AP4S1: variants seen among roughly 807,000 people sequenced by gnomAD.
The protein encoded by AP4S1 is adaptor related protein complex 4 subunit sigma 1.
A neutral mutation model predicts 19.8 loss-of-function variants in AP4S1; 23 were observed. The observed-to-expected ratio is 1.16, with a 90% CI of 0.84 to 1.65. The LOEUF (loss-of-function observed/expected upper bound fraction) is 1.65, where lower values mean the gene tolerates loss of function less well. AP4S1 is among the 40% of genes most tolerant of loss of function. AP4S1 has a pLI of 0.00. For synonymous variants in AP4S1, 46 were observed against 54.1 expected (o/e 0.85, Z 0.66); for missense variants, 166 against 172.8 (o/e 0.96, Z 0.22).
chr14:31,085,033 AGTTTAT>A (rs1236384882), intron 5 of AP4S1: 2 of 1,469,636 alleles, frequency 1.4e-6, no homozygotes, highest in African/African-American at 2.8e-5. Context: ...CTAAGGACTT[AGTTTAT>A]TTGGGCTAGA....
intron 5 of AP4S1, 79 bp from the exon 6 acceptor site, chr14:31,092,828 C>G: frequency 9.3e-7 from 1 of 1,075,682 alleles, no homozygotes; most frequent in Admixed American, 3.2e-5. Flanking sequence ...ACACTGGGAA[C>G]ACTCTAGGTT....
intron 1 of AP4S1, among the ~76,000 whole-genome samples, chr14:31,051,391 G>T (rs1409722965): frequency 6.6e-6 from 1 of 152,142 alleles, no homozygotes; most frequent in Non-Finnish European, 1.5e-5. Context: ...AAGAATTGTT[G>T]CAGGCACTGT....
chr14:31,036,998 G>A (rs902216118), intron 1 of AP4S1, among the ~76,000 whole-genome samples: 3 of 150,608 alleles, frequency 2.0e-5, no homozygotes, highest in African/African-American at 7.5e-5. Context: ...ATTTTTAGTA[G>A]AGACAGGGTT....
chr14:31,052,456 G>A (rs545813862), intron 1 of AP4S1, among the ~76,000 whole-genome samples: 95 of 152,200 alleles, frequency 6.2e-4, no homozygotes, highest in Admixed American at 1.3e-3. Context: ...CAAGCATGGT[G>A]TCTCACACTT....
intron 1 of AP4S1, among the ~76,000 whole-genome samples, chr14:31,027,864 G>C (rs1413356175): frequency 2.0e-5 from 3 of 152,072 alleles, no homozygotes; most frequent in African/African-American, 7.2e-5. Flanking sequence ...AAGGAAATTA[G>C]GTTCAGTAAT....
intron 1 of AP4S1, among the ~76,000 whole-genome samples, chr14:31,044,978 T>C (rs1244175673): frequency 6.6e-6 from 1 of 151,872 alleles, no homozygotes; most frequent in Non-Finnish European, 1.5e-5. Flanking sequence ...CTCAGCTCAC[T>C]GCAACCTCCA....
chr14:31,025,886 C>T (rs1196266969), intron 1 of AP4S1, 99 bp downstream of exon 1: 5 of 1,593,690 alleles, frequency 3.1e-6, no homozygotes, highest in Non-Finnish European at 4.3e-6. Context: ...CTCCCGCACA[C>T]CGACCCCAAC....
chr14:31,036,166 G>C (rs1015902405), intron 1 of AP4S1, among the ~76,000 whole-genome samples: 1 of 148,680 alleles, frequency 6.7e-6, no homozygotes. Context: ...GTTGCATCAC[G>C]AATTAGTAAC....
chr14:31,076,678 G>C (rs1887375929), intron 4 of AP4S1, among the ~76,000 whole-genome samples: 1 of 151,970 alleles, frequency 6.6e-6, no homozygotes, highest in Admixed American at 6.6e-5. Flanking sequence ...AATTGTCTTG[G>C]CCCCCTTATC....
chr14:31,093,133 T>C lies in AP4S1; in HGVS notation c.*98T>C. On this transcript the variant is annotated 3_prime_UTR_variant, in exon 6 of 6. Transcript: ENST00000542754. ...CCCAGAAGAATCTGGAAGACCACAA[T>C]TACAAAATGGGGTATCCTTCCAAAG... is the stretch of plus-strand genomic sequence containing the variant. The C allele has an allele frequency of 4.0e-6, 5 of 1,259,554 alleles. No homozygotes were observed. The highest frequency in any genetic ancestry group is 5.4e-6 in the Non-Finnish European group (5 of 930,844). The allele number at this position is 1,259,554 out of a possible 1,614,324, so 78.0% of individuals were successfully genotyped here.
At chr14:31,051,753 C>T (rs950316635) in intron 1 of AP4S1, among the ~76,000 whole-genome samples, 3 of 152,132 alleles carry the variant, frequency 2.0e-5, no homozygotes, top group Non-Finnish European at 4.4e-5. Context: ...TTCCCCCTCC[C>T]GGGTTCAGGC....
intron 5 of AP4S1, among the ~76,000 whole-genome samples, chr14:31,089,162 C>CA (rs1888007098): frequency 1.9e-3 from 207 of 109,672 alleles, no homozygotes; most frequent in African/African-American, 6.9e-3. Context: ...TTTGTCTTAA[C>CA]CAAAAAAAAA....
At chr14:31,062,798 T>A (rs1022668360) in intron 1 of AP4S1, among the ~76,000 whole-genome samples, 1 of 151,484 alleles carries the variant, frequency 6.6e-6, no homozygotes, top group African/African-American at 2.4e-5. Context: ...AAACCCTGTC[T>A]CTACTGAAAA....
chr14:31,036,198 TTAA>T (rs1411688166), intron 1 of AP4S1, among the ~76,000 whole-genome samples: 24 of 151,992 alleles, frequency 1.6e-4, no homozygotes, highest in African/African-American at 5.6e-4. Flanking sequence ...AAATAATAAT[TTAA>T]TAATTTGTTC....
chr14:31,049,074 C>A (rs1885582437), intron 1 of AP4S1, among the ~76,000 whole-genome samples: 2 of 151,466 alleles, frequency 1.3e-5, no homozygotes, highest in Admixed American at 1.3e-4. Flanking sequence ...CATGGTGAAA[C>A]CCCATCTCTA....
chr14:31,095,731 A>C lies in AP4S1; in HGVS notation c.*2696A>C, dbSNP rs529853231. The C allele has an allele frequency of 3.9e-5, 6 of 152,304 alleles. No homozygotes were observed. In the South Asian group the frequency reaches 1.2e-3, roughly 32 times the overall value. 9.4% of individuals were successfully genotyped at this position (152,304 alleles called of 1,614,324 possible). A position where few individuals can be genotyped will look rare whatever the true frequency, so the allele number is the denominator to read the frequency against. ...ACTGTGCCCAGTCTTTTTATGCCAC[A>C]TTTTAAAAGGTTTGCTTATTAATAA... On this transcript the variant is annotated 3_prime_UTR_variant, in exon 6 of 6. Coordinates refer to ENST00000542754, the MANE Select transcript of AP4S1 (RefSeq NM_001128126.3).
chr14:31,066,907 T>C (rs1385248423), intron 2 of AP4S1, among the ~76,000 whole-genome samples: 1 of 152,182 alleles, frequency 6.6e-6, no homozygotes, highest in Non-Finnish European at 1.5e-5. Flanking sequence ...AAATTAAGAA[T>C]TCATGTGAAA....
intron 1 of AP4S1, among the ~76,000 whole-genome samples, chr14:31,064,290 C>T (rs1886598406): frequency 1.3e-5 from 2 of 151,850 alleles, no homozygotes; most frequent in South Asian, 4.1e-4. Context: ...GCTCTGTCAC[C>T]CAGGCTGGAG....
chr14:31,077,972 G>C (rs1310557743), intron 4 of AP4S1, among the ~76,000 whole-genome samples: 1 of 152,138 alleles, frequency 6.6e-6, no homozygotes, highest in Non-Finnish European at 1.5e-5. Context: ...CTGACCTCTT[G>C]ATCCACCTGC....
Sources: gnomAD v4.1 joint callset for allele counts (sites outside exome capture counted in the v4.1 genomes callset) on GRCh38, gnomAD v4.1.1 for gene constraint, MANE v1.5 for transcripts, NCBI Gene and HGNC (gene_info 2026-07-23, HGNC 2026-07-21) for gene names.